The following PARP16 variants were observed in gnomAD, a reference collection of about 807,000 sequenced individuals.
PARP16 encodes protein mono-ADP-ribosyltransferase PARP16.
In PARP16, 31 loss-of-function variants were observed where a neutral mutation model predicts 35.0. The ratio of observed to expected loss-of-function variants is 0.88; its 90% CI spans 0.66 to 1.19. The LOEUF is 1.19. Among genes scored for constraint, PARP16 ranks in the 50% most tolerant of loss-of-function variants. PARP16 has a pLI of 0.00. For missense variants in PARP16, 424 were observed against 411.2 expected (o/e 1.03, Z -0.27); for synonymous variants, 162 against 169.5 (o/e 0.96, Z 0.34).
chr15:65,259,339 T>A lies in PARP16; in HGVS notation c.*68A>T. 6.5e-7 allele frequency: 1 copy of A among 1,538,070 alleles called. No individual in the cohort carries two copies. Among genetic ancestry groups the A allele is most frequent in the Non-Finnish European group, 9.0e-7 (1 of 1,114,780 alleles). On this transcript the variant is annotated 3_prime_UTR_variant, in exon 6 of 6. Coordinates refer to ENST00000649807, the MANE Select transcript of PARP16 (RefSeq NM_001316943.2). Reference sequence around the variant, plus strand: ...GCTCAACCTGGCTGGACATGAGGCATAGGAGGTACAGAACAAGTTACCATA... The same window carrying A: ...GCTCAACCTGGCTGGACATGAGGCAAAGGAGGTACAGAACAAGTTACCATA...
intron 3 of PARP16, among the ~76,000 whole-genome samples, chr15:65,265,708 T>G (rs1372779617): frequency 6.6e-6 from 1 of 152,082 alleles, no homozygotes; most frequent in Non-Finnish European, 1.5e-5. Context: ...AAGTGTGGAT[T>G]CCGATCAGGT....
At position 65,260,987 on chromosome 15, in the gene PARP16, T is replaced by C; in HGVS notation, c.731A>G (p.His244Arg). Residue 244 changes from histidine to arginine, a missense_variant, in exon 5 of 6, where the codon CAT (histidine) becomes CGT (arginine). Transcript: ENST00000649807. ...EIDRRRARIK[H>R]SEGGDIPPKY... ...GGGAGGGATGTCTCCCCCTTCACTA[T>C]GTTTGATTCTCGCTCGTCTGCGATC... is the stretch of plus-strand genomic sequence containing the variant. The C allele has an allele frequency of 1.9e-6, 3 of 1,613,854 alleles. No individual in the cohort carries two copies. Among genetic ancestry groups the C allele is most frequent in the Non-Finnish European group, 2.5e-6 (3 of 1,179,806 alleles).
chr15:65,235,279 C>G (rs904140197), intron 3 of PARP16, among the ~76,000 whole-genome samples: 12 of 151,554 alleles, frequency 7.9e-5, no homozygotes, highest in African/African-American at 2.9e-4. Flanking sequence ...TGCACTTCAG[C>G]CTGGGCGACA....
intron 4 of PARP16, 95 bp from the exon 5 acceptor site, chr15:65,261,121 G>T: frequency 1.7e-6 from 2 of 1,186,034 alleles, no homozygotes; most frequent in South Asian, 1.4e-5. Context: ...TGGTGCTGAG[G>T]GGGAAGAAGG....
intron 1 of PARP16, among the ~76,000 whole-genome samples, chr15:65,274,614 C>T (rs1421782240): frequency 1.3e-5 from 2 of 151,596 alleles, no homozygotes; most frequent in Admixed American, 6.6e-5. Flanking sequence ...TGCAAATGCT[C>T]CATGAGTATT....
In PARP16 at chr15:65,259,393, C is replaced by A; in HGVS notation, c.*14G>T. 1 of 1,613,956 alleles carries A rather than the reference C, an allele frequency of 6.2e-7. No individual in the cohort carries two copies. Among genetic ancestry groups the A allele is most frequent in the Non-Finnish European group, 8.5e-7 (1 of 1,179,872 alleles). ...CACATAGTTGAGGTAGCCCCCACAC[C>A]AGGCCCAGAAAGATTATCTTTTCGC... On this transcript the variant is annotated 3_prime_UTR_variant, in exon 6 of 6. Coordinates refer to ENST00000649807, the MANE Select transcript of PARP16 (RefSeq NM_001316943.2).
intron 4 of PARP16, among the ~76,000 whole-genome samples, chr15:65,261,538 C>T (rs1049316817): frequency 1.3e-5 from 2 of 151,694 alleles, no homozygotes; most frequent in Admixed American, 6.6e-5. Context: ...TTACTACAAC[C>T]TCTGCCTCCC....
At chr15:65,250,007 T>C (rs544650931) in intron 2 of PARP16, among the ~76,000 whole-genome samples, 1 of 152,164 alleles carries the variant, frequency 6.6e-6, no homozygotes, top group African/African-American at 2.4e-5. Flanking sequence ...TCGTTTTCTA[T>C]TCACTGGGCC....
Position 65,286,423 on chromosome 15 carries a change from G to T in PARP16, c.4C>A (p.Gln2Lys), listed in dbSNP as rs913492902. The change falls in exon 1 of 6, where the codon CAG (glutamine) becomes AAG (lysine). Residue 2 changes from glutamine to lysine, a missense_variant. Physicochemically the swap from Gln to Lys is moderately conservative, Grantham distance 53. Transcript: ENST00000649807. ...CTGGCGGCCGCCCAGCCTGAGGGCT[G>T]CATCCCAGGTCACTGCGCGTTGCCG... is the stretch of plus-strand genomic sequence containing the variant. M[Q>K]PSGWAAAREA... The T allele has an allele frequency of 1.3e-6, 2 of 1,519,522 alleles. No homozygotes were observed. Among genetic ancestry groups the T allele is most frequent in the Non-Finnish European group, 1.8e-6 (2 of 1,137,810 alleles). The allele number at this position is 1,519,522 out of a possible 1,614,324, so 94.1% of individuals were successfully genotyped here.
chr15:65,230,974 C>T (rs1275751528), downstream of PARP16, among the ~76,000 whole-genome samples: 1 of 150,262 alleles, frequency 6.7e-6, no homozygotes, highest in African/African-American at 2.5e-5. Flanking sequence ...CTGCAACCTC[C>T]GCCTCCCAGG....
At chr15:65,272,729 G>A (rs1595707328) in intron 1 of PARP16, among the ~76,000 whole-genome samples, 1 of 152,166 alleles carries the variant, frequency 6.6e-6, no homozygotes, top group Non-Finnish European at 1.5e-5. Context: ...TGGATGCAGA[G>A]AAACAGCATG....
At chr15:65,276,359 C>T (rs1233257321) in intron 1 of PARP16, among the ~76,000 whole-genome samples, 1 of 152,070 alleles carries the variant, frequency 6.6e-6, no homozygotes, top group African/African-American at 2.4e-5. Context: ...ACAACAACAA[C>T]AACAAAAGAC....
chr15:65,267,188 C>T (rs1409172114), intron 2 of PARP16, among the ~76,000 whole-genome samples: 1 of 151,934 alleles, frequency 6.6e-6, no homozygotes, highest in Non-Finnish European at 1.5e-5. Context: ...TTGCAGTGAG[C>T]AGAGATCACG....
intron 4 of PARP16, among the ~76,000 whole-genome samples, chr15:65,261,665 AG>A (rs1474943223): frequency 6.6e-6 from 1 of 151,910 alleles, no homozygotes; most frequent in Admixed American, 6.6e-5. Context: ...CATGTTGGCC[AG>A]GCTGATCTCA....
At chr15:65,284,930 G>A (rs372119515) in intron 1 of PARP16, among the ~76,000 whole-genome samples, 12 of 142,240 alleles carry the variant, frequency 8.4e-5, no homozygotes, top group African/African-American at 3.1e-4. Flanking sequence ...CCATCCTCCC[G>A]CCTCAGCCTC....
intron 3 of PARP16, among the ~76,000 whole-genome samples, chr15:65,265,928 A>G (rs2089876111): frequency 6.6e-6 from 1 of 151,902 alleles, no homozygotes; most frequent in African/African-American, 2.4e-5. Flanking sequence ...TTATTTATTT[A>G]TTTTATTTTT....
At chr15:65,239,929 T>C (rs1380206147) in intron 3 of PARP16, among the ~76,000 whole-genome samples, 1 of 147,448 alleles carries the variant, frequency 6.8e-6, no homozygotes, top group East Asian at 2.0e-4. Flanking sequence ...GTTTTCGGAT[T>C]ACAGGCGTGA....
rs771967309 is a variant in PARP16 at position 65,286,411 on chromosome 15, A to G, written c.16T>C (p.Trp6Arg). 6 of 1,537,544 alleles carry G rather than the reference A, an allele frequency of 3.9e-6. No individual in the cohort carries two copies. The highest frequency in any genetic ancestry group is 1.4e-5 in the African/African-American group (1 of 71,128). Residue 6 changes from tryptophan to arginine, a missense_variant, in exon 1 of 6, where the codon TGG (tryptophan) becomes CGG (arginine). Coordinates refer to ENST00000649807, the MANE Select transcript of PARP16 (RefSeq NM_001316943.2). MQPSG[W>R]AAAREAAGRD... ...CCCGCCGCCTCCCTGGCGGCCGCCC[A>G]GCCTGAGGGCTGCATCCCAGGTCAC... is the stretch of plus-strand genomic sequence containing the variant.
chr15:65,278,927 G>T (rs1044519399), intron 1 of PARP16, among the ~76,000 whole-genome samples: 5 of 152,150 alleles, frequency 3.3e-5, no homozygotes, highest in African/African-American at 4.8e-5. Context: ...GGCGATGAGT[G>T]GAGCTAGAAG....
Sources: allele counts gnomAD v4.1 joint callset (sites outside exome capture counted in the v4.1 genomes callset), GRCh38; gene constraint gnomAD v4.1.1; transcripts MANE v1.5; gene names NCBI Gene and HGNC (gene_info 2026-07-23, HGNC 2026-07-21).